NOD2: variants seen among roughly 807,000 people sequenced by gnomAD.
NOD2 encodes the protein nucleotide-binding oligomerization domain-containing protein 2.
NOD2 carries 86 observed loss-of-function variants against 90.9 expected under a neutral mutation model. The observed-to-expected ratio is 0.95, with a 90% CI of 0.79 to 1.13. The LOEUF is 1.13. Ranked by LOEUF, NOD2 falls within the 50% of genes most tolerant of loss-of-function variation. NOD2 has a pLI of 0.00. For missense variants in NOD2, 1,238 were observed against 1,283.8 expected (o/e 0.96, Z 0.55); for synonymous variants, 581 against 554.6 (o/e 1.05, Z -0.67).
rs773749264 is a variant in NOD2 at position 50,710,646 on chromosome 16, G to A, written c.654G>A (p.Thr218=). Residue 218 remains threonine, a synonymous_variant, in exon 4 of 12, where the codon ACG becomes ACA. Transcript: ENST00000647318. ...TCAGTACCTATGATGGAGCAGAGAC[G>A]CTCTGCCTGGAGGACATATACACAG... is the stretch of plus-strand genomic sequence containing the variant. The part of the protein sequence containing the change: ...RFLSTYDGAE[T]LCLEDIYTEN... The A allele has an allele frequency of 1.8e-5, 29 of 1,614,094 alleles. No individual in the cohort carries two copies. In the South Asian group the frequency reaches 2.0e-4, roughly 11 times the overall value.
In NOD2 at chr16:50,732,001, C is replaced by A; in HGVS notation, c.*182C>A. On this transcript the variant is annotated 3_prime_UTR_variant, in exon 12 of 12. Coordinates refer to ENST00000647318, the MANE Select transcript of NOD2 (RefSeq NM_001370466.1). ...TCTGGCAGAGGAGGGAGCATCAGTGCCCTCCAGGATAGACTTTTCCCAAGC... is the reference window on the plus strand; with the variant it reads ...TCTGGCAGAGGAGGGAGCATCAGTGACCTCCAGGATAGACTTTTCCCAAGC... The A allele has an allele frequency of 1.5e-6, 1 of 656,060 alleles. No homozygotes were observed. The highest frequency in any genetic ancestry group is 2.1e-5 in the Admixed American group (1 of 47,536). 40.6% of individuals were successfully genotyped at this position (656,060 alleles called of 1,614,324 possible).
chr16:50,698,459 AT>A (rs1329052417), intron 1 of NOD2, among the ~76,000 whole-genome samples: 2 of 152,092 alleles, frequency 1.3e-5, no homozygotes, highest in Admixed American at 6.5e-5. Context: ...TTGCACCGTA[AT>A]TTTTCACTTC....
chr16:50,717,687 G>A (rs769020148), intron 6 of NOD2, among the ~76,000 whole-genome samples: 3 of 152,198 alleles, frequency 2.0e-5, no homozygotes, highest in Non-Finnish European at 2.9e-5. Context: ...GCTCAGTCTC[G>A]GCAAGGGCTA....
Position 50,699,728 on chromosome 16 carries a change from C to T in NOD2, c.233C>T (p.Ala78Val), listed in dbSNP as rs202052365. Residue 78 changes from alanine (A) to valine (V), a missense_variant, in exon 2 of 12, where the codon GCG becomes GTG. By Grantham distance (64) the Ala-to-Val change is moderately conservative. This residue lies in a region of NOD2 where 567 missense variants were observed against 577.3 expected (regional missense o/e 0.98). Transcript: ENST00000647318. ...KGTWACQKLI[A>V]AAQEAQADSQ... ...ACTTGGGCCTGTCAGAAGCTCATCG[C>T]GGCTGCCCAAGAAGCCCAGGCCGAC... 192 of 1,613,988 alleles carry T rather than the reference C, an allele frequency of 1.2e-4. No individual in the cohort carries two copies. Among genetic ancestry groups the T allele is most frequent in the Non-Finnish European group, 1.6e-4 (183 of 1,180,044 alleles).
chr16:50,704,402 G>A (rs1210696666), intron 2 of NOD2, among the ~76,000 whole-genome samples: 1 of 152,156 alleles, frequency 6.6e-6, no homozygotes, highest in Non-Finnish European at 1.5e-5. Flanking sequence ...ATGTCTTAAA[G>A]TTCCCTCATA....
chr16:50,693,688 G>A (rs1341945533), intron 1 of NOD2, 26 bp downstream of exon 1: 4 of 152,334 alleles, frequency 2.6e-5, no homozygotes, highest in African/African-American at 9.7e-5. Flanking sequence ...AGCGCCTGGG[G>A]GTGGGCTGGG....
chr16:50,727,855 G>T, intron 10 of NOD2: 1 of 365,806 alleles, frequency 2.7e-6, no homozygotes, highest in South Asian at 2.2e-5. Flanking sequence ...GAAAGCTGTA[G>T]GGGATCAGAC....
rs1413990195 is a variant in NOD2 at position 50,710,883 on chromosome 16, A to G, written c.891A>G (p.Glu297=). 1 of 1,613,956 alleles carries G rather than the reference A, an allele frequency of 6.2e-7. No homozygotes were observed. Among genetic ancestry groups the G allele is most frequent in the Non-Finnish European group, 8.5e-7 (1 of 1,179,988 alleles). Residue 297 remains glutamate (E), a synonymous_variant, in exon 4 of 12, where the codon GAA becomes GAG. Transcript: ENST00000647318. ...LLWAAGQDFQ[E]FLFVFPFSCR... ...GGGCTGCAGGGCAAGACTTCCAGGA[A>G]TTTCTCTTTGTCTTCCCATTCAGCT...
chr16:50,697,273 C>G, intron 1 of NOD2: 1 of 1,560,176 alleles, frequency 6.4e-7, no homozygotes, highest in South Asian at 1.2e-5. Context: ...CAGCCTCTCA[C>G]GATGAGGAGG....
Position 50,710,478 on chromosome 16 carries a change from C to A in NOD2, c.566-80C>A, listed in dbSNP as rs1567389452. The A allele has an allele frequency of 1.9e-6, 3 of 1,591,970 alleles. No homozygotes were observed. In the Admixed American group the frequency reaches 5.0e-5, roughly 27 times the overall value. On this transcript the variant is annotated intron_variant, in intron 3 of 11. Coordinates refer to ENST00000647318, the MANE Select transcript of NOD2 (RefSeq NM_001370466.1). ...CTATCCCTTCAGTTATGTCAGCGTC[C>A]CCCGCAGCAGCCCATTGTCTGGTTA... is the stretch of plus-strand genomic sequence containing the variant.
intron 4 of NOD2, among the ~76,000 whole-genome samples, chr16:50,714,645 TGAGA>T (rs891785149): frequency 3.9e-5 from 5 of 129,100 alleles, no homozygotes; most frequent in Admixed American, 7.6e-5. Flanking sequence ...TGTGTGTGTA[TGAGA>T]GAGAGAGAGA....
chr16:50,723,155 GA>G (rs1387902569), intron 8 of NOD2, 145 bp from the exon 9 acceptor site: 2 of 311,788 alleles, frequency 6.4e-6, no homozygotes, highest in African/African-American at 5.4e-5. Flanking sequence ...AAAAAAAAAA[GA>G]AAAAAGAAAG....
intron 1 of NOD2, among the ~76,000 whole-genome samples, chr16:50,696,935 G>C (rs1963673246): frequency 6.6e-6 from 1 of 152,240 alleles, no homozygotes; most frequent in Non-Finnish European, 1.5e-5. Flanking sequence ...TGGTGTGCAA[G>C]GGAGGGGCCC....
Position 50,716,670 on chromosome 16 carries a change from C to T in NOD2, c.2465C>T (p.Ala822Val), listed in dbSNP as rs104895486. 71 of 1,613,900 alleles carry T rather than the reference C, an allele frequency of 4.4e-5. No individual in the cohort carries two copies. The highest frequency in any genetic ancestry group is 2.3e-4 in the Admixed American group (14 of 60,024). The change falls in exon 5 of 12, where the codon GCT (alanine) becomes GTT (valine). Residue 822 changes from alanine (A) to valine (V), a missense_variant and splice_region_variant. Physicochemically the swap from Ala to Val is moderately conservative, Grantham distance 64. This residue lies in a region of NOD2 where 667 missense variants were observed against 688.7 expected (regional missense o/e 0.97). Transcript: ENST00000647318. ...ALHCEQLQKL[A>V]LFNNKLTDGC... ...CACTGCGAGCAATTGCAGAAGTTAG[C>T]GTAAGTCAGCCTGGGCTGTGGACAA...
chr16:50,732,089 T>C lies in NOD2; in HGVS notation c.*270T>C. ...CAGGATGTACAAGGACAGCCCCTCC[T>C]CCATAGTATGGGACTGGCCTCTGCT... On this transcript the variant is annotated 3_prime_UTR_variant, in exon 12 of 12. Coordinates refer to ENST00000647318, the MANE Select transcript of NOD2 (RefSeq NM_001370466.1). 2 of 487,438 alleles carry C rather than the reference T, an allele frequency of 4.1e-6. No homozygotes were observed. Among genetic ancestry groups the C allele is most frequent in the African/African-American group, 2.0e-5 (1 of 51,060 alleles). The allele number at this position is 487,438 out of a possible 1,614,324, so 30.2% of individuals were successfully genotyped here.
intron 1 of NOD2, chr16:50,697,300 C>T: frequency 6.4e-7 from 1 of 1,558,710 alleles, no homozygotes; most frequent in South Asian, 1.2e-5. Context: ...CAAGTGTCCT[C>T]CTCGGACATT....
chr16:50,723,874 A>G (rs2150835063), intron 9 of NOD2, among the ~76,000 whole-genome samples: 2 of 152,248 alleles, frequency 1.3e-5, no homozygotes, highest in Middle Eastern at 6.8e-3. Context: ...TACTACTACT[A>G]TTACTGCTGC....
At chr16:50,720,325 A>G (rs1157177664) in intron 7 of NOD2, among the ~76,000 whole-genome samples, 1 of 152,066 alleles carries the variant, frequency 6.6e-6, no homozygotes, top group Non-Finnish European at 1.5e-5. Context: ...GCTTCTAAAC[A>G]CTATTGCCAG....
intron 11 of NOD2, among the ~76,000 whole-genome samples, chr16:50,730,453 T>G (rs1455199642): frequency 6.6e-6 from 1 of 152,230 alleles, no homozygotes; most frequent in Non-Finnish European, 1.5e-5. Flanking sequence ...GTAGACTTTC[T>G]CTCTGCTGAG....
Sources: gnomAD v4.1 joint callset for allele counts (sites outside exome capture counted in the v4.1 genomes callset) on GRCh38, gnomAD v4.1.1 for gene constraint, gnomAD v4.1.1 regional missense constraint, MANE v1.5 for transcripts, NCBI Gene and HGNC (gene_info 2026-07-23, HGNC 2026-07-21) for gene names.